The following PPM1E variants were observed in gnomAD, a reference collection of about 807,000 sequenced individuals.
PPM1E encodes protein phosphatase, Mg2+/Mn2+ dependent 1E.
PPM1E carries 20 observed loss-of-function variants against 65.9 expected under a neutral mutation model. The observed-to-expected ratio is 0.30, with a 90% CI of 0.21 to 0.44. The LOEUF (loss-of-function observed/expected upper bound fraction) is 0.44, where lower values mean the gene tolerates loss of function less well. PPM1E is among the 20% of genes least tolerant of loss of function. The pLI, the probability that PPM1E is intolerant of heterozygous loss-of-function variation, is 1.00. For missense variants in PPM1E, 713 were observed against 953.1 expected (o/e 0.75, Z 3.32); for synonymous variants, 352 against 374.9 (o/e 0.94, Z 0.70).
intron 1 of PPM1E, among the ~76,000 whole-genome samples, chr17:58,857,015 A>G (rs988099440): frequency 6.6e-6 from 1 of 151,896 alleles, no homozygotes; most frequent in African/African-American, 2.4e-5. Flanking sequence ...ACACCCTTAT[A>G]CTCTTTACTC....
chr17:58,904,858 A>C (rs1290425167), intron 1 of PPM1E, among the ~76,000 whole-genome samples: 1 of 145,080 alleles, frequency 6.9e-6, no homozygotes, highest in African/African-American at 2.6e-5. Context: ...TAAAAATACA[A>C]AAAAAAAAAA....
intron 1 of PPM1E, among the ~76,000 whole-genome samples, chr17:58,868,286 T>G (rs2051028209): frequency 6.6e-6 from 1 of 152,160 alleles, no homozygotes; most frequent in African/African-American, 2.4e-5. Context: ...ACTACTGCAA[T>G]TCAGCCTGGG....
At chr17:58,768,806 A>T (rs753794356) in intron 1 of PPM1E, among the ~76,000 whole-genome samples, 1 of 152,136 alleles carries the variant, frequency 6.6e-6, no homozygotes, top group African/African-American at 2.4e-5. Flanking sequence ...AGTAGCTGGG[A>T]TTACAGGCAT....
chr17:58,976,973 C>A (rs1432853670), intron 6 of PPM1E, among the ~76,000 whole-genome samples: 2 of 152,018 alleles, frequency 1.3e-5, no homozygotes, highest in Non-Finnish European at 2.9e-5. Context: ...GACACTGAAT[C>A]CCATATTGGA....
Position 58,965,699 on chromosome 17 carries a change from G to C in PPM1E, c.589G>C (p.Glu197Gln). 1 of 1,613,918 alleles carries C rather than the reference G, an allele frequency of 6.2e-7. No individual in the cohort carries two copies. The highest frequency in any genetic ancestry group is 8.5e-7 in the Non-Finnish European group (1 of 1,179,820). Reference sequence around the variant, plus strand: ...TTTCTGTGTTTCTTTCACAGAGATTGAGACAGTGAAATTGGCCCGTTCTGT... The same window carrying C: ...TTTCTGTGTTTCTTTCACAGAGATTCAGACAGTGAAATTGGCCCGTTCTGT... ...TDGTEGTVEI[E>Q]TVKLARSVFS... Residue 197 changes from glutamate to glutamine, a missense_variant, in exon 3 of 7, where the codon GAG (glutamate) becomes CAG (glutamine). Physicochemically the swap from Glu to Gln is conservative, Grantham distance 29. This residue lies in a region of PPM1E where 84 missense variants were observed against 113.9 expected (regional missense o/e 0.74). Transcript: ENST00000308249.
At chr17:58,852,712 T>C (rs2050840170) in intron 1 of PPM1E, among the ~76,000 whole-genome samples, 1 of 151,876 alleles carries the variant, frequency 6.6e-6, no homozygotes, top group Non-Finnish European at 1.5e-5. Flanking sequence ...CAAGTGATTC[T>C]CCTGGCTCGG....
chr17:58,937,887 A>G (rs1291529316), intron 1 of PPM1E, among the ~76,000 whole-genome samples: 1 of 144,826 alleles, frequency 6.9e-6, no homozygotes, highest in Non-Finnish European at 1.5e-5. Context: ...CTCAAAAAAA[A>G]AAAAAAAAGA....
intron 1 of PPM1E, among the ~76,000 whole-genome samples, chr17:58,814,194 A>G (rs1448924064): frequency 5.9e-5 from 9 of 152,204 alleles, no homozygotes; most frequent in Admixed American, 5.9e-4. Context: ...GATTCTAGAA[A>G]AAGAGTAGTA....
chr17:58,773,861 A>G (rs1178781734), intron 1 of PPM1E, among the ~76,000 whole-genome samples: 2 of 152,096 alleles, frequency 1.3e-5, no homozygotes, highest in African/African-American at 4.8e-5. Context: ...TCTGTTTTGA[A>G]TAAAAATTGT....
chr17:58,882,951 C>CTTTTTTTTTTTTTTTT (rs549698099), intron 1 of PPM1E, among the ~76,000 whole-genome samples: 2 of 98,836 alleles, frequency 2.0e-5, no homozygotes, highest in African/African-American at 3.9e-5. Context: ...TTATTACTTT[C>CTTTTTTTTTTTTTTTT]TTTTTTTTTT....
chr17:58,910,377 A>G (rs2051613141), intron 1 of PPM1E, among the ~76,000 whole-genome samples: 2 of 152,060 alleles, frequency 1.3e-5, no homozygotes, highest in Admixed American at 6.6e-5. Context: ...CTCTCTGCTT[A>G]TACCGCCCAT....
At chr17:58,761,598 T>A (rs1338596943) in intron 1 of PPM1E, among the ~76,000 whole-genome samples, 1 of 152,222 alleles carries the variant, frequency 6.6e-6, no homozygotes, top group Non-Finnish European at 1.5e-5. Flanking sequence ...TATTTTTCCC[T>A]CTGCTTGGAA....
intron 2 of PPM1E, among the ~76,000 whole-genome samples, chr17:58,963,064 G>A (rs2030087194): frequency 6.6e-6 from 1 of 151,688 alleles, no homozygotes; most frequent in Non-Finnish European, 1.5e-5. Context: ...ACTCTAGCCT[G>A]GGCAACAGAG....
Position 58,969,677 on chromosome 17 carries a change from A to G in PPM1E, c.922A>G (p.Arg308Gly), listed in dbSNP as rs144926162. 66 of 1,614,070 alleles carry G rather than the reference A, an allele frequency of 4.1e-5. No individual in the cohort carries two copies. Among genetic ancestry groups the G allele is most frequent in the Non-Finnish European group, 5.3e-5 (62 of 1,180,036 alleles). Residue 308 changes from arginine (R) to glycine (G), a missense_variant, in exon 4 of 7, where the codon AGG becomes GGG. Physicochemically the swap from Arg to Gly is moderately radical, Grantham distance 125. Coordinates refer to ENST00000308249, the MANE Select transcript of PPM1E (RefSeq NM_014906.5). ...FPHDPAEALC[R>G]AFRVTDERFV... Reference sequence around the variant, plus strand: ...CCATGATCCTGCTGAGGCCCTGTGCAGGGCCTTCCGGGTCACTGATGAGCG... The same window carrying G: ...CCATGATCCTGCTGAGGCCCTGTGCGGGGCCTTCCGGGTCACTGATGAGCG...
chr17:58,958,863 A>C (rs1279127231), intron 2 of PPM1E, among the ~76,000 whole-genome samples: 2 of 152,024 alleles, frequency 1.3e-5, no homozygotes, highest in Non-Finnish European at 2.9e-5. Flanking sequence ...GATTACAGGC[A>C]TGAGCCACTG....
At chr17:58,916,521 G>C (rs1315930714) in intron 1 of PPM1E, among the ~76,000 whole-genome samples, 3 of 152,128 alleles carry the variant, frequency 2.0e-5, no homozygotes, top group African/African-American at 7.2e-5. Flanking sequence ...AGCTACTCAG[G>C]AGGCTGAGGC....
At chr17:58,793,285 A>G (rs2050173946) in intron 1 of PPM1E, among the ~76,000 whole-genome samples, 1 of 152,060 alleles carries the variant, frequency 6.6e-6, no homozygotes, top group East Asian at 1.9e-4. Flanking sequence ...AAAGATATAT[A>G]CTACTACATA....
chr17:58,777,156 T>G (rs11655808), intron 1 of PPM1E, among the ~76,000 whole-genome samples: 5 of 151,906 alleles, frequency 3.3e-5, no homozygotes, highest in African/African-American at 4.8e-5. Flanking sequence ...AGCTCTGAAC[T>G]TGGAGGCTGC....
In PPM1E at chr17:58,980,913, G is replaced by C; in HGVS notation, c.2150G>C (p.Arg717Thr). Residue 717 changes from arginine (R) to threonine (T), a missense_variant, in exon 7 of 7, where the codon AGA (arginine) becomes ACA (threonine). Arg to Thr is a moderately conservative substitution (Grantham distance 71). Coordinates refer to ENST00000308249, the MANE Select transcript of PPM1E (RefSeq NM_014906.5). The surrounding 1 kb of genome is among the most constrained non-coding windows in gnomAD (Gnocchi z 4.7). ...LTGSGKRNRIRSSLPWRQNSW... is the reference protein window; with the variant it reads ...LTGSGKRNRITSSLPWRQNSW... ...GGAAGTGGGAAGAGAAATAGGATAA[G>C]AAGTTCTCTGCCATGGAGGCAAAAT... The C allele has an allele frequency of 6.2e-7, 1 of 1,614,148 alleles. No individual in the cohort carries two copies. Among genetic ancestry groups the C allele is most frequent in the East Asian group, 2.2e-5 (1 of 44,880 alleles).
Sources: gnomAD v4.1 joint callset for allele counts (sites outside exome capture counted in the v4.1 genomes callset) on GRCh38, gnomAD v4.1.1 for gene constraint, gnomAD v4.1.1 regional missense constraint, Gnocchi (gnomAD v3.1) non-coding constraint, MANE v1.5 for transcripts, NCBI Gene and HGNC (gene_info 2026-07-23, HGNC 2026-07-21) for gene names.